The following CNTN4 variants were observed in gnomAD, a reference collection of about 807,000 sequenced individuals.
CNTN4 encodes contactin-4.
In CNTN4, 77 loss-of-function variants were observed where a neutral mutation model predicts 122.5. The ratio of observed to expected loss-of-function variants is 0.63; its 90% CI spans 0.52 to 0.76. The LOEUF (loss-of-function observed/expected upper bound fraction) is 0.76, where lower values mean the gene tolerates loss of function less well. Ranked by LOEUF, CNTN4 falls within the 30% of genes least tolerant of loss-of-function variation. CNTN4 has a pLI of 0.00. For synonymous variants in CNTN4, 512 were observed against 447.0 expected (o/e 1.15, Z -1.83); for missense variants, 1,256 against 1,259.1 (o/e 1.00, Z 0.04).
At chr3:2,692,820 T>G (rs574957430) in intron 4 of CNTN4, among the ~76,000 whole-genome samples, 1 of 152,260 alleles carries the variant, frequency 6.6e-6, no homozygotes, top group Admixed American at 6.5e-5. Flanking sequence ...TCATTTTTAT[T>G]TTTATTTTAG....
At chr3:2,144,558 T>C (rs1456361678) in intron 2 of CNTN4, among the ~76,000 whole-genome samples, 1 of 152,154 alleles carries the variant, frequency 6.6e-6, no homozygotes, top group Admixed American at 6.5e-5. Context: ...TTGAGAGGGT[T>C]ACATGTGACC....
At chr3:2,903,796 C>T (rs184761653) in intron 12 of CNTN4, among the ~76,000 whole-genome samples, 30 of 152,120 alleles carry the variant, frequency 2.0e-4, no homozygotes, top group Middle Eastern at 3.4e-3. Flanking sequence ...TTAACCTCCC[C>T]GTGACGTCAA....
chr3:2,873,274 TC>T (rs1319258202), intron 8 of CNTN4, among the ~76,000 whole-genome samples: 1 of 152,204 alleles, frequency 6.6e-6, no homozygotes, highest in Non-Finnish European at 1.5e-5. Flanking sequence ...GTCACAACTT[TC>T]TAGCCTACTT....
chr3:2,152,494 T>A (rs2035535629), intron 2 of CNTN4, among the ~76,000 whole-genome samples: 3 of 152,180 alleles, frequency 2.0e-5, no homozygotes, highest in Admixed American at 2.0e-4. Flanking sequence ...ACACTCTGGT[T>A]GCTCTTACAG....
chr3:2,570,046 G>T lies in CNTN4; in HGVS notation c.-88-1370G>T, dbSNP rs1414423769. On this transcript the variant is annotated intron_variant, in intron 3 of 24. Transcript: ENST00000418658. ...ATATACATTCACACATGGCGGGCTG[G>T]CAGGATGGGTGGGAGAAGGGATGAG... Among the ~76,000 whole-genome samples the T allele has an allele frequency of 6.7e-5, 10 of 149,368 alleles. 1 individual carries two copies. Among genetic ancestry groups the T allele is most frequent in the African/African-American group, 1.3e-4 (5 of 38,816 alleles).
At chr3:2,422,125 G>A (rs1483740650) in intron 3 of CNTN4, among the ~76,000 whole-genome samples, 4 of 152,232 alleles carry the variant, frequency 2.6e-5, no homozygotes, top group Non-Finnish European at 5.9e-5. Flanking sequence ...CACCAGAGGT[G>A]AAGTTGTACA....
chr3:2,099,647 A>C (rs993553962), intron 1 of CNTN4: 1 of 152,256 alleles, frequency 6.6e-6, no homozygotes, highest in Non-Finnish European at 1.5e-5. Context: ...GCTCTTAGGG[A>C]AGGTACCTGG....
intron 3 of CNTN4, among the ~76,000 whole-genome samples, chr3:2,492,188 T>C (rs1283888606): frequency 6.6e-6 from 1 of 152,256 alleles, no homozygotes; most frequent in Non-Finnish European, 1.5e-5. Flanking sequence ...GGCTGCTTAG[T>C]AAATACTGTT....
At chr3:2,674,672 C>T (rs1328806822) in intron 4 of CNTN4, among the ~76,000 whole-genome samples, 1 of 152,064 alleles carries the variant, frequency 6.6e-6, no homozygotes, top group Non-Finnish European at 1.5e-5. Flanking sequence ...GCAGGACAGT[C>T]ACCTGAACCC....
intron 3 of CNTN4, among the ~76,000 whole-genome samples, chr3:2,450,746 C>A (rs929865946): frequency 2.0e-5 from 3 of 152,174 alleles, no homozygotes; most frequent in African/African-American, 7.2e-5. Flanking sequence ...ACCAAAGCCC[C>A]CACTTTGAAT....
At chr3:2,492,778 G>C (rs1033870311) in intron 3 of CNTN4, among the ~76,000 whole-genome samples, 1 of 152,146 alleles carries the variant, frequency 6.6e-6, no homozygotes, top group Non-Finnish European at 1.5e-5. Context: ...TGGATTAGCT[G>C]TCTTTGTTGA....
At chr3:2,763,436 T>G (rs1021637921) in intron 6 of CNTN4, among the ~76,000 whole-genome samples, 45 of 152,252 alleles carry the variant, frequency 3.0e-4, no homozygotes, top group African/African-American at 9.9e-4. Flanking sequence ...GTGTGTTGTC[T>G]CTTTACTCTG....
intron 14 of CNTN4, among the ~76,000 whole-genome samples, chr3:3,003,950 G>C (rs1270727069): frequency 6.6e-6 from 1 of 151,974 alleles, no homozygotes; most frequent in Non-Finnish European, 1.5e-5. Flanking sequence ...TGTAGAGACA[G>C]GGTTTCGCCA....
chr3:2,207,680 A>G (rs1287794528), intron 2 of CNTN4, among the ~76,000 whole-genome samples: 8 of 152,144 alleles, frequency 5.3e-5, no homozygotes, highest in Non-Finnish European at 4.4e-5. Context: ...AGCAAGTGTG[A>G]TGTAGAAGCT....
chr3:3,043,762 C>T, intron 23 of CNTN4, 58 bp downstream of exon 23: 2 of 1,078,668 alleles, frequency 1.9e-6, no homozygotes, highest in Admixed American at 1.7e-5. Context: ...GGGCAGTCTC[C>T]TCCATGAATT....
At chr3:2,894,797 A>G (rs138196449) in intron 10 of CNTN4, among the ~76,000 whole-genome samples, 1 of 152,182 alleles carries the variant, frequency 6.6e-6, no homozygotes, top group South Asian at 2.1e-4. Context: ...AATCGGGCCC[A>G]ACAGCCTTTT....
intron 2 of CNTN4, among the ~76,000 whole-genome samples, chr3:2,168,565 CAAAAT>C (rs1282053113): frequency 2.6e-5 from 4 of 151,648 alleles, no homozygotes; most frequent in Admixed American, 1.3e-4. Flanking sequence ...CATTATAAAA[CAAAAT>C]AAATTAATAA....
chr3:2,620,717 G>A (rs569381496), intron 4 of CNTN4, among the ~76,000 whole-genome samples: 8 of 152,104 alleles, frequency 5.3e-5, no homozygotes, highest in African/African-American at 1.9e-4. Flanking sequence ...GGAATAAATC[G>A]GACTTTAGAA....
At chr3:2,171,004 C>A (rs2149242014) in intron 2 of CNTN4, among the ~76,000 whole-genome samples, 1 of 152,244 alleles carries the variant, frequency 6.6e-6, no homozygotes, top group African/African-American at 2.4e-5. Flanking sequence ...TACGAAAATA[C>A]AGAATGTTTC....
Sources: allele counts gnomAD v4.1 joint callset (sites outside exome capture counted in the v4.1 genomes callset), GRCh38; gene constraint gnomAD v4.1.1; transcripts MANE v1.5; gene names NCBI Gene and HGNC (gene_info 2026-07-23, HGNC 2026-07-21).